FRMD5: variants seen among roughly 807,000 people sequenced by gnomAD.
FRMD5 encodes the protein FERM domain-containing protein 5.
FRMD5 carries 20 observed loss-of-function variants against 69.0 expected under a neutral mutation model. The ratio of observed to expected loss-of-function variants is 0.29; its 90% confidence interval spans 0.20 to 0.42. The LOEUF (loss-of-function observed/expected upper bound fraction) is 0.42. Among genes scored for constraint, FRMD5 ranks in the 10% least tolerant of loss-of-function variants. The pLI is 1.00. For missense variants in FRMD5, 595 were observed against 708.6 expected (o/e 0.84, Z 1.82); for synonymous variants, 271 against 260.1 (o/e 1.04, Z -0.40).
At chr15:44,028,877 A>G (rs1891554625) in intron 1 of FRMD5, among the ~76,000 whole-genome samples, 1 of 152,164 alleles carries the variant, frequency 6.6e-6, no homozygotes. Context: ...TAAGCTTTAA[A>G]CTAGACTGGA....
chr15:44,156,917 A>AT (rs1566975831), intron 1 of FRMD5, among the ~76,000 whole-genome samples: 13 of 152,266 alleles, frequency 8.5e-5, no homozygotes, highest in African/African-American at 2.9e-4. Flanking sequence ...TATATATATA[A>AT]AAATGCAAAA....
intron 1 of FRMD5, among the ~76,000 whole-genome samples, chr15:44,080,580 G>A (rs1893957701): frequency 1.3e-5 from 2 of 152,068 alleles, no homozygotes; most frequent in Admixed American, 6.6e-5. Context: ...AGGAAAAGAC[G>A]TTTAGGAGTC....
intron 1 of FRMD5, among the ~76,000 whole-genome samples, chr15:44,134,595 C>T (rs1359613658): frequency 6.6e-6 from 1 of 152,046 alleles, no homozygotes; most frequent in Non-Finnish European, 1.5e-5. Context: ...ATTACAGGCG[C>T]GCGCCACTAT....
intron 12 of FRMD5, 91 bp downstream of exon 12, chr15:43,884,636 G>A (rs2088618262): frequency 8.6e-7 from 1 of 1,168,716 alleles, no homozygotes; most frequent in Non-Finnish European, 1.2e-6. Flanking sequence ...GGTAGCCACT[G>A]GAGCCAGGGG....
At chr15:44,057,957 T>G (rs193067552) in intron 1 of FRMD5, among the ~76,000 whole-genome samples, 2 of 152,322 alleles carry the variant, frequency 1.3e-5, no homozygotes, top group East Asian at 3.9e-4. Context: ...TATATCCCAA[T>G]TCATTTGACC....
intron 1 of FRMD5, among the ~76,000 whole-genome samples, chr15:44,179,912 G>C (rs886192845): frequency 6.6e-6 from 1 of 152,134 alleles, no homozygotes; most frequent in African/African-American, 2.4e-5. Context: ...AGTGGTGTGT[G>C]CCTATAATCC....
At chr15:43,942,395 C>T (rs548801020) in intron 1 of FRMD5, among the ~76,000 whole-genome samples, 4 of 152,280 alleles carry the variant, frequency 2.6e-5, no homozygotes, top group South Asian at 4.2e-4. Context: ...GCAGCAACAC[C>T]GAAACTCATT....
At chr15:44,088,820 G>T (rs1021579940) in intron 1 of FRMD5, among the ~76,000 whole-genome samples, 1 of 152,026 alleles carries the variant, frequency 6.6e-6, no homozygotes, top group Non-Finnish European at 1.5e-5. Context: ...TAACTAGCTC[G>T]CCCAAAGGCA....
rs900261992 is a variant in FRMD5 at position 44,043,309 on chromosome 15, T to C, written c.103-119000A>G. On this transcript the variant is annotated intron_variant, in intron 1 of 13. Transcript: ENST00000417257. ...CAAATGGAAAAACATTCCATGCTCA[T>C]GGATAGGAAGAATCAGTATCATGAA... 1.5e-4 allele frequency among the ~76,000 whole-genome samples: 23 copies of C among 152,286 alleles called. No homozygotes were observed. The East Asian group carries it at 2.9e-3, about 19-fold the overall frequency.
chr15:43,967,099 C>T (rs550186101), intron 1 of FRMD5, among the ~76,000 whole-genome samples: 1 of 152,058 alleles, frequency 6.6e-6, no homozygotes, highest in Admixed American at 6.5e-5. Context: ...GCACAAATAA[C>T]TTTGGATAGA....
chr15:44,084,653 T>C (rs1190276308), intron 1 of FRMD5, among the ~76,000 whole-genome samples: 1 of 152,142 alleles, frequency 6.6e-6, no homozygotes. Flanking sequence ...CACATTCTTA[T>C]AAGTTTTCTC....
At chr15:44,118,678 A>G (rs1455141114) in intron 1 of FRMD5, among the ~76,000 whole-genome samples, 1 of 152,244 alleles carries the variant, frequency 6.6e-6, no homozygotes, top group East Asian at 1.9e-4. Flanking sequence ...GGAAATCTTC[A>G]TAAACCAGCC....
intron 7 of FRMD5, among the ~76,000 whole-genome samples, chr15:43,901,573 C>G (rs1400693557): frequency 6.6e-6 from 1 of 152,154 alleles, no homozygotes; most frequent in Non-Finnish European, 1.5e-5. Context: ...GCCACAGCCA[C>G]AGAGAGAGAC....
At chr15:44,130,176 C>T (rs1487398734) in intron 1 of FRMD5, among the ~76,000 whole-genome samples, 2 of 152,222 alleles carry the variant, frequency 1.3e-5, no homozygotes, top group Non-Finnish European at 2.9e-5. Context: ...GTTGCTAACA[C>T]TCGTCACCAT....
chr15:43,938,972 C>T (rs2089812844), intron 1 of FRMD5, among the ~76,000 whole-genome samples: 1 of 152,144 alleles, frequency 6.6e-6, no homozygotes, highest in South Asian at 2.1e-4. Flanking sequence ...AGGAATTCTC[C>T]AACCTCAGCC....
In FRMD5 at chr15:44,139,298, TACACAC is replaced by T. The variant is rs140679752; in HGVS notation, c.102+55649_102+55654del. On this transcript the variant is annotated intron_variant, in intron 1 of 13. Transcript: ENST00000417257. The stretch of plus-strand genomic sequence containing the variant: ...CACCATCTATAGCTCCCCCTCTCTC[TACACAC>T]ACACACACACACACACACACACACA... Among the ~76,000 whole-genome samples, 256 of 143,744 alleles carry T rather than the reference TACACAC, an allele frequency of 1.8e-3. 4 individuals carry two copies. In the South Asian group the frequency reaches 0.031, roughly 18 times the overall value. 94.3% of individuals were successfully genotyped at this position (143,744 alleles called of 152,430 possible).
chr15:44,112,903 T>G (rs2076819595), intron 1 of FRMD5, among the ~76,000 whole-genome samples: 1 of 152,228 alleles, frequency 6.6e-6, no homozygotes, highest in Non-Finnish European at 1.5e-5. Context: ...CCACCTTCAC[T>G]GATTTTTTCC....
intron 1 of FRMD5, among the ~76,000 whole-genome samples, chr15:44,002,760 C>T (rs537610153): frequency 9.2e-5 from 14 of 152,220 alleles, no homozygotes; most frequent in South Asian, 2.1e-4. Context: ...GCCCAGGGTG[C>T]GGCGCGGGGC....
chr15:43,923,538 G>C (rs2089532470), intron 2 of FRMD5, among the ~76,000 whole-genome samples: 1 of 152,202 alleles, frequency 6.6e-6, no homozygotes, highest in Non-Finnish European at 1.5e-5. Context: ...ATAGGTGAAG[G>C]CTCTGTAAAG....
Sources: allele counts gnomAD v4.1 joint callset (sites outside exome capture counted in the v4.1 genomes callset), GRCh38; gene constraint gnomAD v4.1.1; transcripts MANE v1.5; gene names NCBI Gene and HGNC (gene_info 2026-07-23, HGNC 2026-07-21).